The following TNKS variants were observed in gnomAD, a reference collection of about 807,000 sequenced individuals.
The protein encoded by TNKS is tankyrase.
Under a neutral mutation model 135.8 loss-of-function variants are expected in TNKS, and 72 were observed. The ratio of observed to expected loss-of-function variants is 0.53; its 90% CI spans 0.44 to 0.64. The LOEUF (loss-of-function observed/expected upper bound fraction) is 0.64. TNKS is among the 30% of genes least tolerant of loss of function. TNKS has a pLI of 0.00. For synonymous variants in TNKS, 849 were observed against 649.3 expected, an observed-to-expected ratio of 1.31 and a Z score of -4.68; for missense variants, 1,769 against 1,674.0, an observed-to-expected ratio of 1.06 and a Z score of -0.99.
intron 12 of TNKS, among the ~76,000 whole-genome samples, chr8:9,726,197 C>T (rs1805151839): frequency 6.6e-6 from 1 of 152,092 alleles, no homozygotes; most frequent in Non-Finnish European, 1.5e-5. Flanking sequence ...TTGTGACCAG[C>T]CTGGGCAACA....
chr8:9,596,223 G>C (rs912154140), intron 2 of TNKS, among the ~76,000 whole-genome samples: 2 of 152,108 alleles, frequency 1.3e-5, no homozygotes, highest in Non-Finnish European at 2.9e-5. Context: ...GAGACAAATG[G>C]GTTGTGTAAC....
At chr8:9,765,240 A>C (rs1020610706) in intron 23 of TNKS, among the ~76,000 whole-genome samples, 1 of 152,214 alleles carries the variant, frequency 6.6e-6, no homozygotes, top group Non-Finnish European at 1.5e-5. Flanking sequence ...AGCTTTTTAC[A>C]AAGGGGTATC....
intron 26 of TNKS, among the ~76,000 whole-genome samples, chr8:9,770,584 C>T (rs944410199): frequency 6.6e-6 from 1 of 152,194 alleles, no homozygotes; most frequent in Non-Finnish European, 1.5e-5. Flanking sequence ...CATGCCAGGG[C>T]AGCTGCTGTT....
chr8:9,687,757 A>G (rs538348303), intron 5 of TNKS, among the ~76,000 whole-genome samples: 33 of 152,304 alleles, frequency 2.2e-4, no homozygotes, highest in African/African-American at 7.5e-4. Context: ...GCTGTTTTCC[A>G]CTTTAGACTG....
intron 17 of TNKS, among the ~76,000 whole-genome samples, chr8:9,743,753 G>A (rs1352208931): frequency 6.6e-6 from 1 of 152,138 alleles, no homozygotes; most frequent in African/African-American, 2.4e-5. Context: ...ATCTATAGAT[G>A]TATAGATATT....
At chr8:9,621,117 A>C (rs1227661908) in intron 3 of TNKS, among the ~76,000 whole-genome samples, 2 of 152,216 alleles carry the variant, frequency 1.3e-5, no homozygotes, top group Admixed American at 6.5e-5. Flanking sequence ...ATATAGTCCT[A>C]TACATTTCTT....
rs76821910 is a variant in TNKS, at chr8:9,628,201, C to T, written c.994+12524C>T. On this transcript the variant is annotated intron_variant, in intron 3 of 26. Transcript: ENST00000310430. Reference sequence around the variant, plus strand: ...AAACATTCTTTTGTGTCAATTCTTACACCACTCTTTAGTCACTTGTTTTTC... The same window carrying T: ...AAACATTCTTTTGTGTCAATTCTTATACCACTCTTTAGTCACTTGTTTTTC... Among the ~76,000 whole-genome samples, 249 of 152,246 alleles carry T rather than the reference C, an allele frequency of 1.6e-3. 4 individuals carry two copies. In the East Asian group the frequency reaches 0.044, roughly 27 times the overall value.
chr8:9,607,364 A>T (rs1436751116), intron 2 of TNKS, among the ~76,000 whole-genome samples: 1 of 152,158 alleles, frequency 6.6e-6, no homozygotes, highest in Non-Finnish European at 1.5e-5. Context: ...TCTGAAGAAG[A>T]TCTACATTTA....
Position 9,620,899 on chromosome 8 carries a change from T to C in TNKS, c.994+5222T>C, listed in dbSNP as rs73523206. Among the ~76,000 whole-genome samples the C allele has an allele frequency of 2.8e-3, 421 of 152,332 alleles. 1 individual carries two copies. The highest frequency in any genetic ancestry group is 9.3e-3 in the African/African-American group (387 of 41,572). On this transcript the variant is annotated intron_variant, in intron 3 of 26. Coordinates refer to ENST00000310430, the MANE Select transcript of TNKS (RefSeq NM_003747.3). ...AAAGCATCATAAGGGTTTGGACTTT[T>C]GTCTGTCTTGTTTACTTCTTTATCC...
intron 2 of TNKS, among the ~76,000 whole-genome samples, chr8:9,611,372 G>A (rs1483997522): frequency 1.3e-5 from 2 of 152,098 alleles, no homozygotes; most frequent in Admixed American, 1.3e-4. Flanking sequence ...TTTGTACATT[G>A]TTGGTGTATT....
intron 5 of TNKS, among the ~76,000 whole-genome samples, chr8:9,702,326 CAT>C (rs756460118): frequency 0.028 from 4,138 of 150,124 alleles, 164 homozygotes; most frequent in African/African-American, 0.085. Flanking sequence ...CACACACACA[CAT>C]ACACACACGA....
intron 11 of TNKS, chr8:9,710,501 T>C: frequency 1.8e-6 from 1 of 567,034 alleles, no homozygotes. Flanking sequence ...TACTTTCAGT[T>C]AATACTATAC....
intron 26 of TNKS, among the ~76,000 whole-genome samples, chr8:9,771,139 GGAGA>G (rs141103583): frequency 4.1e-5 from 6 of 147,728 alleles, no homozygotes; most frequent in Non-Finnish European, 7.5e-5. Flanking sequence ...AGGGAGGGAA[GGAGA>G]GAGAGAGAGA....
In TNKS at chr8:9,780,330, T is replaced by G. The variant is rs893069444; in HGVS notation, c.*3594T>G. On this transcript the variant is annotated 3_prime_UTR_variant, in exon 27 of 27. Coordinates refer to ENST00000310430, the MANE Select transcript of TNKS (RefSeq NM_003747.3). Reference sequence around the variant, plus strand: ...TGTGTGATATCTGTGACAAATAGCCTTCTTCTTGTGTTTTCTGTTGGACTA... The same window carrying G: ...TGTGTGATATCTGTGACAAATAGCCGTCTTCTTGTGTTTTCTGTTGGACTA... 2.6e-5 allele frequency: 4 copies of G among 152,292 alleles called. No individual in the cohort carries two copies. The highest frequency in any genetic ancestry group is 2.1e-4 in the South Asian group (1 of 4,828). The allele number at this position is 152,292 out of a possible 1,614,324, so 9.4% of individuals were successfully genotyped here.
intron 1 of TNKS, among the ~76,000 whole-genome samples, chr8:9,560,388 G>A (rs1373670446): frequency 2.7e-5 from 4 of 150,570 alleles, no homozygotes; most frequent in African/African-American, 9.8e-5. Context: ...TTCTTTGTTG[G>A]GTTTTGTTTT....
At chr8:9,564,873 A>G (rs571230071) in intron 1 of TNKS, among the ~76,000 whole-genome samples, 2 of 152,362 alleles carry the variant, frequency 1.3e-5, no homozygotes, top group East Asian at 3.9e-4. Flanking sequence ...AACATACACG[A>G]GAAAGAAACA....
intron 18 of TNKS, among the ~76,000 whole-genome samples, chr8:9,750,045 C>T (rs1344082879): frequency 6.6e-6 from 1 of 152,162 alleles, no homozygotes; most frequent in Admixed American, 6.5e-5. Context: ...AAGACAGGTC[C>T]CTCTCTAACA....
chr8:9,702,641 C>G (rs1182459106), intron 5 of TNKS, among the ~76,000 whole-genome samples: 2 of 152,310 alleles, frequency 1.3e-5, no homozygotes, highest in Admixed American at 1.3e-4. Context: ...TTTGCAGTAG[C>G]ATTTGACATG....
intron 3 of TNKS, among the ~76,000 whole-genome samples, chr8:9,644,664 C>T (rs1800846988): frequency 6.6e-6 from 1 of 152,086 alleles, no homozygotes; most frequent in African/African-American, 2.4e-5. Flanking sequence ...ACCATTCAAC[C>T]CACAACAGCA....
Sources: allele counts gnomAD v4.1 joint callset (sites outside exome capture counted in the v4.1 genomes callset), GRCh38; gene constraint gnomAD v4.1.1; transcripts MANE v1.5; gene names NCBI Gene and HGNC (gene_info 2026-07-23, HGNC 2026-07-21).